The following ESYT2 variants were observed in gnomAD, a reference collection of about 807,000 sequenced individuals.
ESYT2 encodes the protein extended synaptotagmin-2.
ESYT2 carries 54 observed loss-of-function variants against 107.2 expected under a neutral mutation model. The observed-to-expected ratio is 0.50, with a 90% CI of 0.40 to 0.63. The LOEUF (loss-of-function observed/expected upper bound fraction) is 0.63. Among genes scored for constraint, ESYT2 ranks in the 30% least tolerant of loss-of-function variants. ESYT2 has a pLI of 0.00. For synonymous variants in ESYT2, 491 were observed against 434.1 expected (o/e 1.13, Z -1.63); for missense variants, 1,020 against 1,094.5 (o/e 0.93, Z 0.96).
chr7:158,752,920 G>A, intron 13 of ESYT2, 77 bp from the exon 14 acceptor site: 1 of 964,804 alleles, frequency 1.0e-6, no homozygotes, highest in African/African-American at 1.7e-5. Flanking sequence ...TTAAAGACAT[G>A]AAAATTTATG....
At chr7:158,742,506 G>T (rs3750054) in intron 17 of ESYT2, among the ~76,000 whole-genome samples, 4 of 152,060 alleles carry the variant, frequency 2.6e-5, no homozygotes, top group Admixed American at 2.0e-4. Context: ...ACCAAAGCCC[G>T]TATTCTACAT....
intron 1 of ESYT2, among the ~76,000 whole-genome samples, chr7:158,819,446 T>G (rs1274529712): frequency 6.6e-6 from 1 of 152,226 alleles, no homozygotes; most frequent in Non-Finnish European, 1.5e-5. Flanking sequence ...CAGACATCAT[T>G]TAAATAAAGT....
In ESYT2 at chr7:158,767,663, A is replaced by G. The variant is rs761667692; in HGVS notation, c.915T>C (p.Pro305=). ...GCCGGGACACGCTTACCTTTGGTACAGGAAACCGCAACTGAGCTATTTGAA... is the reference window on the plus strand; with the variant it reads ...GCCGGGACACGCTTACCTTTGGTACGGGAAACCGCAACTGAGCTATTTGAA... The part of the protein sequence containing the change: ...SEVQIAQLRF[P]VPKGVLRIHF... The change falls in exon 8 of 23, where the codon CCT becomes CCC. Residue 305 remains proline, a synonymous_variant. Coordinates refer to ENST00000275418, the MANE Select transcript of ESYT2 (RefSeq NM_001367773.1). 5 of 1,612,086 alleles carry G rather than the reference A, an allele frequency of 3.1e-6. No individual in the cohort carries two copies. The highest frequency in any genetic ancestry group is 4.5e-5 in the East Asian group (2 of 44,776).
rs866054915 is a variant in ESYT2, at chr7:158,735,726, A to T, written c.2400-118T>A. ...AATGTCATGTTTGTTTTTTATTATAAAACTGAGTTCTTCTACCTAATGTTT... is the reference window on the plus strand; with the variant it reads ...AATGTCATGTTTGTTTTTTATTATATAACTGAGTTCTTCTACCTAATGTTT... On this transcript the variant is annotated intron_variant, in intron 20 of 22. Coordinates refer to ENST00000275418, the MANE Select transcript of ESYT2 (RefSeq NM_001367773.1). 1.3e-5 allele frequency: 12 copies of T among 894,684 alleles called. 1 individual carries two copies. In the Middle Eastern group the frequency reaches 3.2e-3, roughly 237 times the overall value. 55.4% of individuals were successfully genotyped at this position (894,684 alleles called of 1,614,324 possible).
chr7:158,764,283 C>T (rs1838075238), intron 9 of ESYT2, among the ~76,000 whole-genome samples: 1 of 152,044 alleles, frequency 6.6e-6, no homozygotes, highest in Non-Finnish European at 1.5e-5. Context: ...GATCTCTATT[C>T]ATTGACATGT....
In ESYT2 at chr7:158,734,217, G is replaced by C. The variant is rs530480541; in HGVS notation, c.2591C>G (p.Ala864Gly). The C allele has an allele frequency of 3.7e-6, 6 of 1,613,962 alleles. No individual in the cohort carries two copies. Among genetic ancestry groups the C allele is most frequent in the African/African-American group, 1.3e-5 (1 of 74,932 alleles). The part of the protein sequence containing the change: ...DLTEDGTRPQ[A>G]MT ...TCCTGCCTGCTGCGGCTATGTCATCGCCTGAGGCCTCGTCCCATCTTCCGT... is the reference window on the plus strand; with the variant it reads ...TCCTGCCTGCTGCGGCTATGTCATCCCCTGAGGCCTCGTCCCATCTTCCGT... The change falls in exon 23 of 23, where the codon GCG becomes GGG. Residue 864 changes from alanine (A) to glycine (G), a missense_variant. Physicochemically the swap from Ala to Gly is moderately conservative, Grantham distance 60. Transcript: ENST00000275418.
chr7:158,814,476 C>T (rs1840097200), intron 1 of ESYT2, among the ~76,000 whole-genome samples: 1 of 151,728 alleles, frequency 6.6e-6, no homozygotes. Context: ...GTCCCGATTA[C>T]CCTCACAGAT....
chr7:158,798,218 A>G, intron 2 of ESYT2, 142 bp from the exon 3 acceptor site: 3 of 850,972 alleles, frequency 3.5e-6, no homozygotes, highest in South Asian at 1.9e-5. Flanking sequence ...TGCAAAATCA[A>G]CATGATCTAA....
intron 1 of ESYT2, among the ~76,000 whole-genome samples, chr7:158,828,020 T>C (rs1228278105): frequency 2.0e-5 from 3 of 152,210 alleles, no homozygotes; most frequent in African/African-American, 4.8e-5. Context: ...ACTCTTGTTA[T>C]TGCTGCAACT....
chr7:158,752,577 A>G (rs1477429547), intron 14 of ESYT2, among the ~76,000 whole-genome samples: 3 of 152,260 alleles, frequency 2.0e-5, no homozygotes, highest in Non-Finnish European at 4.4e-5. Flanking sequence ...TTATCATACT[A>G]GTACTTTATA....
Position 158,798,998 on chromosome 7 carries a change from T to C in ESYT2, c.372+33A>G, listed in dbSNP as rs778474135. The C allele has an allele frequency of 1.9e-6, 3 of 1,591,192 alleles. No homozygotes were observed. In the South Asian group the frequency reaches 3.4e-5, roughly 18 times the overall value. ...ATGGTATCTCATCCTCCAATTCCACTGATGGATGGTAGTTGGTATACTCTA... is the reference window on the plus strand; with the variant it reads ...ATGGTATCTCATCCTCCAATTCCACCGATGGATGGTAGTTGGTATACTCTA... On this transcript the variant is annotated intron_variant, in intron 2 of 22. Coordinates refer to ENST00000275418, the MANE Select transcript of ESYT2 (RefSeq NM_001367773.1).
At chr7:158,789,097 G>A (rs953656961) in intron 4 of ESYT2, among the ~76,000 whole-genome samples, 3 of 152,182 alleles carry the variant, frequency 2.0e-5, no homozygotes, top group Non-Finnish European at 2.9e-5. Flanking sequence ...TTGGAGGTAG[G>A]ATGTCACACT....
At chr7:158,794,859 G>A (rs531764729) in intron 3 of ESYT2, among the ~76,000 whole-genome samples, 8 of 152,238 alleles carry the variant, frequency 5.3e-5, no homozygotes, top group Admixed American at 3.3e-4. Context: ...ACCTCTCAAC[G>A]AGCTGTCAAA....
Position 158,748,284 on chromosome 7 carries a change from G to C in ESYT2, c.1558-4C>G. The C allele has an allele frequency of 6.2e-7, 1 of 1,611,692 alleles. No homozygotes were observed. Among genetic ancestry groups the C allele is most frequent in the South Asian group, 1.1e-5 (1 of 90,974 alleles). On this transcript the variant is annotated splice_polypyrimidine_tract_variant and splice_region_variant and intron_variant, in intron 15 of 22. Transcript: ENST00000275418. ...GTTCATTGGTTTTGTATCGAATCTA[G>C]AAGAAATATCCAAATTATTAGCTCT...
intron 13 of ESYT2, among the ~76,000 whole-genome samples, chr7:158,759,183 A>C (rs149690857): frequency 6.6e-6 from 1 of 152,306 alleles, no homozygotes; most frequent in African/African-American, 2.4e-5. Context: ...TTTCCATCCT[A>C]AGGCAACTAA....
intron 16 of ESYT2, among the ~76,000 whole-genome samples, chr7:158,747,381 G>T (rs1403499386): frequency 2.0e-5 from 3 of 150,976 alleles, no homozygotes; most frequent in Non-Finnish European, 4.4e-5. Flanking sequence ...AACCCCAAAC[G>T]TCTTACAAAC....
At chr7:158,802,630 G>A (rs1839679093) in intron 1 of ESYT2, among the ~76,000 whole-genome samples, 2 of 152,276 alleles carry the variant, frequency 1.3e-5, no homozygotes, top group East Asian at 3.9e-4. Context: ...CACTTGACAG[G>A]GAATGTAGAG....
chr7:158,766,265 C>T (rs1838161710), intron 8 of ESYT2, among the ~76,000 whole-genome samples: 2 of 152,146 alleles, frequency 1.3e-5, no homozygotes, highest in South Asian at 4.1e-4. Context: ...CTCGAAGCAG[C>T]TCTTGTTTAT....
intron 1 of ESYT2, among the ~76,000 whole-genome samples, chr7:158,801,254 A>G (rs1839634873): frequency 6.6e-6 from 1 of 151,934 alleles, no homozygotes; most frequent in African/African-American, 2.4e-5. Context: ...ATTAGAATTT[A>G]CTGGTTAACT....
Sources: allele counts gnomAD v4.1 joint callset (sites outside exome capture counted in the v4.1 genomes callset), GRCh38; gene constraint gnomAD v4.1.1; transcripts MANE v1.5; gene names NCBI Gene and HGNC (gene_info 2026-07-23, HGNC 2026-07-21).